Variants in KIF26B observed in about 807,000 individuals in gnomAD.
The protein encoded by KIF26B is kinesin family member 26B.
KIF26B carries 63 observed loss-of-function variants against 151.2 expected under a neutral mutation model. That is an observed-to-expected ratio of 0.42 (90% confidence interval 0.34 to 0.51). KIF26B has a LOEUF of 0.51. Among genes scored for constraint, KIF26B ranks in the 20% least tolerant of loss-of-function variants. The pLI, the probability that KIF26B is intolerant of heterozygous loss-of-function variation, is 0.07. For synonymous variants in KIF26B, 1,357 were observed against 1,262.1 expected (o/e 1.08, Z -1.59); for missense variants, 2,813 against 2,913.6 (o/e 0.97, Z 0.79).
At chr1:245,233,559 A>C (rs1019069269) in intron 2 of KIF26B, among the ~76,000 whole-genome samples, 1 of 152,184 alleles carries the variant, frequency 6.6e-6, no homozygotes, top group Non-Finnish European at 1.5e-5. Context: ...TATGTACATA[A>C]AGTGTGAGAA....
intron 4 of KIF26B, among the ~76,000 whole-genome samples, chr1:245,467,904 TG>T (rs1659830767): frequency 6.6e-6 from 1 of 150,926 alleles, no homozygotes; most frequent in Non-Finnish European, 1.5e-5. Context: ...AAGTGGGGGT[TG>T]GGGGGTTGGC....
intron 9 of KIF26B, among the ~76,000 whole-genome samples, chr1:245,642,131 T>C (rs560353448): frequency 6.6e-6 from 1 of 152,312 alleles, no homozygotes; most frequent in African/African-American, 2.4e-5. Context: ...GTGGGAACAC[T>C]GGCCACCAGG....
rs1375803044 is a variant in KIF26B, at chr1:245,170,992, G to A, written c.465+14309G>A. Among the ~76,000 whole-genome samples the A allele has an allele frequency of 2.0e-5, 3 of 152,194 alleles. No individual in the cohort carries two copies. Among genetic ancestry groups the A allele is most frequent in the Non-Finnish European group, 2.9e-5 (2 of 68,040 alleles). ...TGTGATTACATCCCAATGGAGTTGG[G>A]CATGAGAATAAGAAAGAAATCTCCC... is the stretch of plus-strand genomic sequence containing the variant. On this transcript the variant is annotated intron_variant, in intron 2 of 14. Transcript: ENST00000407071. The surrounding 1 kb of genome is among the most constrained non-coding windows in gnomAD (Gnocchi z 4.4).
chr1:245,418,593 A>G (rs1658374422), intron 3 of KIF26B, among the ~76,000 whole-genome samples: 1 of 152,168 alleles, frequency 6.6e-6, no homozygotes, highest in Non-Finnish European at 1.5e-5. Flanking sequence ...TTGCACTTGT[A>G]TTTAGTAGGT....
At chr1:245,691,861 G>A (rs760696743) in intron 12 of KIF26B, among the ~76,000 whole-genome samples, 2 of 152,194 alleles carry the variant, frequency 1.3e-5, no homozygotes, top group African/African-American at 2.4e-5. Flanking sequence ...GGAGGTCCAT[G>A]TTGCTGAGGA....
At chr1:245,284,232 A>T (rs557402229) in intron 2 of KIF26B, among the ~76,000 whole-genome samples, 1 of 152,286 alleles carries the variant, frequency 6.6e-6, no homozygotes, top group South Asian at 2.1e-4. Context: ...CTGATTTTCT[A>T]AATGTTACTT....
intron 10 of KIF26B, among the ~76,000 whole-genome samples, chr1:245,657,758 G>A (rs143101799): frequency 1.3e-3 from 191 of 152,114 alleles, no homozygotes; most frequent in African/African-American, 4.4e-3. Context: ...TAGTTACCAA[G>A]AACATACCCT....
intron 7 of KIF26B, among the ~76,000 whole-genome samples, chr1:245,608,300 GT>G: frequency 6.6e-6 from 1 of 152,330 alleles, no homozygotes; most frequent in East Asian, 1.9e-4. Context: ...CTTCTGACCT[GT>G]GGCCATCTGC....
chr1:245,665,051 A>G (rs894008188), intron 10 of KIF26B, among the ~76,000 whole-genome samples: 4 of 152,256 alleles, frequency 2.6e-5, no homozygotes, highest in African/African-American at 4.8e-5. Flanking sequence ...TTCTCAATTC[A>G]GTGAGAATAT....
rs1668428201 is a variant in KIF26B, at chr1:245,156,195, G to T, written c.64-87G>T. On this transcript the variant is annotated intron_variant, in intron 1 of 14. Coordinates refer to ENST00000407071, the MANE Select transcript of KIF26B (RefSeq NM_018012.4). ...CGACTCCCGTGGGCGGTTCGAGCGG[G>T]TACTTGGTGGCGCACGTATGACCCA... 2.0e-6 allele frequency: 3 copies of T among 1,482,454 alleles called. No homozygotes were observed. In the African/African-American group the frequency reaches 4.3e-5, roughly 21 times the overall value. 91.8% of individuals were successfully genotyped at this position (1,482,454 alleles called of 1,614,324 possible).
At chr1:245,677,827 T>C (rs1190820055) in intron 10 of KIF26B, among the ~76,000 whole-genome samples, 1 of 152,260 alleles carries the variant, frequency 6.6e-6, no homozygotes, top group African/African-American at 2.4e-5. Flanking sequence ...TGTTTCAGTC[T>C]GGCGCAACTC....
Position 245,368,637 on chromosome 1 carries a change from C to G in KIF26B, c.999+1270C>G, listed in dbSNP as rs1673020390. On this transcript the variant is annotated intron_variant, in intron 3 of 14. Coordinates refer to ENST00000407071, the MANE Select transcript of KIF26B (RefSeq NM_018012.4). ...TCATAGGGGGTGTTTGGTAGGTGGC[C>G]TTCCGCTGTGATGTGAGGACTCAGA... is the stretch of plus-strand genomic sequence containing the variant. 2.6e-5 allele frequency among the ~76,000 whole-genome samples: 4 copies of G among 152,016 alleles called. 1 individual carries two copies. The South Asian group carries it at 8.3e-4, about 31-fold the overall frequency.
intron 12 of KIF26B, among the ~76,000 whole-genome samples, chr1:245,696,806 G>A (rs1311017279): frequency 6.6e-6 from 1 of 152,124 alleles, no homozygotes; most frequent in East Asian, 1.9e-4. Flanking sequence ...GATCAAATCT[G>A]GGCTCTAAAA....
chr1:245,434,463 T>C (rs1344093226), intron 4 of KIF26B, among the ~76,000 whole-genome samples: 1 of 152,170 alleles, frequency 6.6e-6, no homozygotes, highest in African/African-American at 2.4e-5. Flanking sequence ...TCCAAGTCCC[T>C]TGGGAATACA....
At chr1:245,249,997 T>C (rs1274207928) in intron 2 of KIF26B, among the ~76,000 whole-genome samples, 1 of 152,198 alleles carries the variant, frequency 6.6e-6, no homozygotes, top group Non-Finnish European at 1.5e-5. Context: ...TCTATCAAAT[T>C]TTAAAAATTA....
At chr1:245,641,176 T>C (rs1193951150) in intron 9 of KIF26B, among the ~76,000 whole-genome samples, 4 of 152,112 alleles carry the variant, frequency 2.6e-5, no homozygotes, top group African/African-American at 9.7e-5. Context: ...CCTGTAAAAT[T>C]TCTGCTGAGA....
At chr1:245,482,098 G>T (rs933793606) in intron 4 of KIF26B, among the ~76,000 whole-genome samples, 3 of 151,666 alleles carry the variant, frequency 2.0e-5, no homozygotes, top group Non-Finnish European at 4.4e-5. Context: ...TTTATTTATT[G>T]ACTTATTTTT....
chr1:245,553,048 TG>T (rs141327962), intron 5 of KIF26B, among the ~76,000 whole-genome samples: 5 of 152,300 alleles, frequency 3.3e-5, no homozygotes, highest in Admixed American at 2.0e-4. Flanking sequence ...TCAGAGTGGA[TG>T]GGGTGACACC....
rs1317921044 is a variant in KIF26B at position 245,686,155 on chromosome 1, G to A, written c.3172G>A (p.Gly1058Ser). ...ESLNSCGFVEGKPRPMGSPRL... is the reference protein window; with the variant it reads ...ESLNSCGFVESKPRPMGSPRL... ...CCTCAACTCCTGCGGCTTCGTGGAAGGCAAGCCCAGGCCCATGGGCTCCCC... is the reference window on the plus strand; with the variant it reads ...CCTCAACTCCTGCGGCTTCGTGGAAAGCAAGCCCAGGCCCATGGGCTCCCC... Residue 1058 changes from glycine (G) to serine (S), a missense_variant, in exon 12 of 15, where the codon GGC (glycine) becomes AGC (serine). Physicochemically the swap from Gly to Ser is moderately conservative, Grantham distance 56. Transcript: ENST00000407071. The surrounding 1 kb of genome is among the most constrained non-coding windows in gnomAD (Gnocchi z 5.6). The A allele has an allele frequency of 1.2e-6, 2 of 1,612,478 alleles. No homozygotes were observed. Among genetic ancestry groups the A allele is most frequent in the East Asian group, 2.2e-5 (1 of 44,842 alleles).
Sources: allele counts gnomAD v4.1 joint callset (sites outside exome capture counted in the v4.1 genomes callset), GRCh38; gene constraint gnomAD v4.1.1; non-coding constraint Gnocchi (gnomAD v3.1); transcripts MANE v1.5; gene names NCBI Gene and HGNC (gene_info 2026-07-23, HGNC 2026-07-21).